SHC4: variants seen among roughly 807,000 people sequenced by gnomAD.
The protein encoded by SHC4 is SHC adaptor protein 4.
Under a neutral mutation model 69.4 loss-of-function variants are expected in SHC4, and 41 were observed. That is an observed-to-expected ratio of 0.59 (90% confidence interval 0.46 to 0.77). The LOEUF (loss-of-function observed/expected upper bound fraction) is 0.77. SHC4 is among the 30% of genes least tolerant of loss of function. The pLI is 0.00. For missense variants in SHC4, 777 were observed against 783.8 expected (o/e 0.99, Z 0.10); for synonymous variants, 318 against 299.3 (o/e 1.06, Z -0.64).
At chr15:48,925,668 T>C (rs1049001388) in intron 1 of SHC4, among the ~76,000 whole-genome samples, 4 of 152,284 alleles carry the variant, frequency 2.6e-5, no homozygotes, top group Middle Eastern at 3.4e-3. Context: ...CTTATAAAGC[T>C]GAAAGATGGT....
chr15:48,875,687 T>C (rs1899784499), intron 4 of SHC4, among the ~76,000 whole-genome samples: 1 of 152,242 alleles, frequency 6.6e-6, no homozygotes, highest in Non-Finnish European at 1.5e-5. Context: ...AGTCTTTGAA[T>C]GATTACATAT....
At chr15:48,908,668 A>G (rs1483302759) in intron 2 of SHC4, among the ~76,000 whole-genome samples, 2 of 152,128 alleles carry the variant, frequency 1.3e-5, no homozygotes, top group Non-Finnish European at 2.9e-5. Flanking sequence ...ATCTTCTAGA[A>G]TTTTTATAGT....
chr15:48,851,704 T>G (rs2140979781), intron 8 of SHC4, among the ~76,000 whole-genome samples: 1 of 152,328 alleles, frequency 6.6e-6, no homozygotes, highest in South Asian at 2.1e-4. Context: ...TCCAAAGAAC[T>G]TCGATCATCC....
intron 3 of SHC4, among the ~76,000 whole-genome samples, chr15:48,886,755 C>G (rs1234067534): frequency 6.6e-6 from 1 of 152,284 alleles, no homozygotes; most frequent in East Asian, 1.9e-4. Flanking sequence ...ATAATTACTA[C>G]TTTTAAAATG....
intron 4 of SHC4, chr15:48,878,139 G>A (rs1266417208): frequency 9.2e-6 from 14 of 1,518,640 alleles, no homozygotes; most frequent in Non-Finnish European, 1.1e-5. Flanking sequence ...CATCTGTCTT[G>A]CTGGAAGCTT....
In SHC4 at chr15:48,924,953, C is replaced by T; in HGVS notation, c.586-4G>A. The T allele has an allele frequency of 1.9e-6, 3 of 1,613,636 alleles. No homozygotes were observed. Among genetic ancestry groups the T allele is most frequent in the Non-Finnish European group, 1.7e-6 (2 of 1,179,836 alleles). Reference sequence around the variant, plus strand: ...GCACTTCAACACAGCCCATGTACTACAATAAGAAGAAAAAAAAGAAGAAGT... The same window carrying T: ...GCACTTCAACACAGCCCATGTACTATAATAAGAAGAAAAAAAAGAAGAAGT... On this transcript the variant is annotated splice_polypyrimidine_tract_variant and splice_region_variant and intron_variant, in intron 1 of 11. Transcript: ENST00000332408.
chr15:48,842,612 C>T (rs1465273908), intron 10 of SHC4, among the ~76,000 whole-genome samples: 1 of 152,082 alleles, frequency 6.6e-6, no homozygotes, highest in Non-Finnish European at 1.5e-5. Flanking sequence ...TGAGATAGTA[C>T]AATTAGTTAA....
intron 8 of SHC4, among the ~76,000 whole-genome samples, chr15:48,852,345 A>C (rs1899229379): frequency 6.6e-6 from 1 of 152,230 alleles, no homozygotes; most frequent in Non-Finnish European, 1.5e-5. Flanking sequence ...ACTTACTTTG[A>C]AACATATCAA....
In SHC4 at chr15:48,878,591, A is replaced by G. The variant is rs948549137; in HGVS notation, c.840+5657T>C. 2.5e-6 allele frequency: 4 copies of G among 1,613,980 alleles called. No individual in the cohort carries two copies. In the South Asian group the frequency reaches 3.3e-5, roughly 13 times the overall value. On this transcript the variant is annotated intron_variant, in intron 4 of 11. Transcript: ENST00000332408. The stretch of plus-strand genomic sequence containing the variant: ...AGCCGACAAGATGTTTCTGAGAACA[A>G]GAGAACCAGCCCTGGATGGCGGGTT...
chr15:48,931,655 T>C (rs1348657094), intron 1 of SHC4, among the ~76,000 whole-genome samples: 1 of 152,052 alleles, frequency 6.6e-6, no homozygotes, highest in African/African-American at 2.4e-5. Context: ...ACATTCTTTC[T>C]CTCAATTGCA....
At chr15:48,953,654 G>A (rs1202193433) in intron 1 of SHC4, among the ~76,000 whole-genome samples, 1 of 152,144 alleles carries the variant, frequency 6.6e-6, no homozygotes, top group Non-Finnish European at 1.5e-5. Flanking sequence ...ATGAGAATGT[G>A]ATGTTATGTT....
Position 48,909,475 on chromosome 15 carries a change from T to C in SHC4, c.656+15404A>G, listed in dbSNP as rs181566484. 4.6e-4 allele frequency among the ~76,000 whole-genome samples: 70 copies of C among 152,080 alleles called. 1 individual carries two copies. The highest frequency in any genetic ancestry group is 1.6e-3 in the African/African-American group (68 of 41,534). On this transcript the variant is annotated intron_variant, in intron 2 of 11. Coordinates refer to ENST00000332408, the MANE Select transcript of SHC4 (RefSeq NM_203349.4). ...GAGTCTTTAAGGTTTTCAAGGTAAA[T>C]GATCATATCTCATATCGTCAGCAAG...
intron 3 of SHC4, among the ~76,000 whole-genome samples, chr15:48,889,773 G>A (rs188190391): frequency 4.1e-4 from 63 of 152,254 alleles, no homozygotes; most frequent in Non-Finnish European, 6.6e-4. Context: ...GAATCCGGGA[G>A]GCGGAGCTTG....
rs140915760 is a variant in SHC4 at position 48,915,437 on chromosome 15, T to C, written c.656+9442A>G. Reference sequence around the variant, plus strand: ...AGTATCTGAAAAGTGAGATCTTATATTGGGCAAAACTGGAGAGCAGTGAAA... The same window carrying C: ...AGTATCTGAAAAGTGAGATCTTATACTGGGCAAAACTGGAGAGCAGTGAAA... On this transcript the variant is annotated intron_variant, in intron 2 of 11. Coordinates refer to ENST00000332408, the MANE Select transcript of SHC4 (RefSeq NM_203349.4). Among the ~76,000 whole-genome samples the C allele has an allele frequency of 6.7e-3, 1,017 of 152,308 alleles. 8 individuals are homozygous for C. Among genetic ancestry groups the C allele is most frequent in the Non-Finnish European group, 7.2e-3 (487 of 68,026 alleles).
intron 3 of SHC4, among the ~76,000 whole-genome samples, chr15:48,888,100 C>A (rs986040712): frequency 2.0e-5 from 3 of 152,136 alleles, no homozygotes; most frequent in Admixed American, 6.5e-5. Flanking sequence ...CATGATCCAG[C>A]CATTCTACTT....
chr15:48,922,017 T>G (rs1174206373), intron 2 of SHC4, among the ~76,000 whole-genome samples: 2 of 152,240 alleles, frequency 1.3e-5, no homozygotes, highest in African/African-American at 4.8e-5. Context: ...CATACTTTTC[T>G]GTACTTTCCA....
At chr15:48,855,639 G>C (rs1002385178) in intron 8 of SHC4, among the ~76,000 whole-genome samples, 3 of 152,124 alleles carry the variant, frequency 2.0e-5, no homozygotes, top group Non-Finnish European at 4.4e-5. Context: ...TTTGGAGATA[G>C]TTGCTAAGGA....
chr15:48,927,807 C>T (rs1226123174), intron 1 of SHC4, among the ~76,000 whole-genome samples: 2 of 152,200 alleles, frequency 1.3e-5, no homozygotes, highest in Admixed American at 6.5e-5. Flanking sequence ...TCAAATGACA[C>T]ACCTCAGAGG....
At chr15:48,892,054 A>AT (rs1334923528) in intron 2 of SHC4, among the ~76,000 whole-genome samples, 4 of 151,828 alleles carry the variant, frequency 2.6e-5, no homozygotes, top group Non-Finnish European at 5.9e-5. Flanking sequence ...ATGGGGTTTC[A>AT]CCGTGTTAGC....
Sources: allele counts gnomAD v4.1 joint callset (sites outside exome capture counted in the v4.1 genomes callset), GRCh38; gene constraint gnomAD v4.1.1; transcripts MANE v1.5; gene names NCBI Gene and HGNC (gene_info 2026-07-23, HGNC 2026-07-21).